The following TMEM132C variants were observed in gnomAD, a reference collection of about 807,000 sequenced individuals.
TMEM132C encodes transmembrane protein 132C, also known as protein phosphatase 1, regulatory subunit 152.
In TMEM132C, 29 loss-of-function variants were observed where a neutral mutation model predicts 61.4. The ratio of observed to expected loss-of-function variants is 0.47; its 90% CI spans 0.35 to 0.64. The LOEUF (loss-of-function observed/expected upper bound fraction) is 0.64, where lower values mean the gene tolerates loss of function less well. Ranked by LOEUF, TMEM132C falls within the 30% of genes least tolerant of loss-of-function variation. TMEM132C has a pLI of 0.00. For missense variants in TMEM132C, 1,408 were observed against 1,476.9 expected, an observed-to-expected ratio of 0.95 and a Z score of 0.76; for synonymous variants, 656 against 633.1, an observed-to-expected ratio of 1.04 and a Z score of -0.54.
At chr12:128,479,508 C>T (rs1871256891) in intron 2 of TMEM132C, among the ~76,000 whole-genome samples, 1 of 152,128 alleles carries the variant, frequency 6.6e-6, no homozygotes, top group Non-Finnish European at 1.5e-5. Flanking sequence ...GTGACAAGTG[C>T]AAATCATACA....
chr12:128,675,170 AC>A (rs1954571363), intron 5 of TMEM132C, among the ~76,000 whole-genome samples: 1 of 151,954 alleles, frequency 6.6e-6, no homozygotes, highest in African/African-American at 2.4e-5. Flanking sequence ...ACCAACTACC[AC>A]ATTTAAGGTT....
At chr12:128,551,532 G>A (rs993499673) in intron 3 of TMEM132C, among the ~76,000 whole-genome samples, 5 of 152,136 alleles carry the variant, frequency 3.3e-5, no homozygotes, top group African/African-American at 9.7e-5. Flanking sequence ...AGTGCACGTC[G>A]TATTTACAGG....
chr12:128,480,686 T>G (rs188379879), intron 2 of TMEM132C, among the ~76,000 whole-genome samples: 1 of 152,240 alleles, frequency 6.6e-6, no homozygotes, highest in East Asian at 1.9e-4. Flanking sequence ...TACTAGCATT[T>G]AGGGTACAGA....
At chr12:128,448,184 C>T (rs1270042583) in intron 2 of TMEM132C, among the ~76,000 whole-genome samples, 1 of 152,156 alleles carries the variant, frequency 6.6e-6, no homozygotes, top group Non-Finnish European at 1.5e-5. Context: ...TTCAAAATCA[C>T]ATAACTAGTA....
At chr12:128,537,732 T>C (rs1873584878) in intron 2 of TMEM132C, among the ~76,000 whole-genome samples, 1 of 152,176 alleles carries the variant, frequency 6.6e-6, no homozygotes, top group Non-Finnish European at 1.5e-5. Context: ...GCTACTCAAA[T>C]CTATACATAG....
intron 2 of TMEM132C, among the ~76,000 whole-genome samples, chr12:128,430,573 C>T (rs989448224): frequency 1.3e-5 from 2 of 152,206 alleles, no homozygotes; most frequent in Admixed American, 6.5e-5. Context: ...CTGCATTTCA[C>T]AGATAATGTG....
At chr12:128,649,328 G>A (rs1325135938) in intron 4 of TMEM132C, among the ~76,000 whole-genome samples, 1 of 152,214 alleles carries the variant, frequency 6.6e-6, no homozygotes, top group East Asian at 1.9e-4. Context: ...CACCAGGGAG[G>A]GAGGAAGCAG....
intron 2 of TMEM132C, among the ~76,000 whole-genome samples, chr12:128,448,435 G>A (rs1041514726): frequency 6.6e-6 from 1 of 152,146 alleles, no homozygotes; most frequent in Non-Finnish European, 1.5e-5. Context: ...TATAGGGGTC[G>A]ACTGGCTATC....
intron 4 of TMEM132C, among the ~76,000 whole-genome samples, chr12:128,650,874 G>T (rs936704072): frequency 2.0e-5 from 3 of 152,130 alleles, no homozygotes; most frequent in African/African-American, 7.2e-5. Flanking sequence ...ATGAGGTAAG[G>T]CTCAAATTCC....
At chr12:128,532,868 AAGC>A (rs2136137675) in intron 2 of TMEM132C, among the ~76,000 whole-genome samples, 1 of 152,158 alleles carries the variant, frequency 6.6e-6, no homozygotes, top group South Asian at 2.1e-4. Context: ...GAGACGATGA[AAGC>A]AGCAGCAATA....
chr12:128,452,082 AT>A (rs1028746194), intron 2 of TMEM132C, among the ~76,000 whole-genome samples: 64 of 152,226 alleles, frequency 4.2e-4, no homozygotes, highest in African/African-American at 1.5e-3. Flanking sequence ...AAATAAAAAA[AT>A]GCAATTATGA....
At chr12:128,574,496 C>T (rs1392493487) in intron 3 of TMEM132C, among the ~76,000 whole-genome samples, 3 of 152,212 alleles carry the variant, frequency 2.0e-5, no homozygotes, top group South Asian at 2.1e-4. Flanking sequence ...CTTGTTCCGT[C>T]GTGGCGGCAC....
At chr12:128,662,988 G>C (rs900437432) in intron 4 of TMEM132C, among the ~76,000 whole-genome samples, 2 of 152,194 alleles carry the variant, frequency 1.3e-5, no homozygotes, top group Non-Finnish European at 2.9e-5. Flanking sequence ...TCATTGGCTT[G>C]TCTGAGGCCA....
intron 2 of TMEM132C, among the ~76,000 whole-genome samples, chr12:128,511,414 A>G (rs1044832943): frequency 1.3e-5 from 2 of 152,228 alleles, no homozygotes; most frequent in African/African-American, 4.8e-5. Flanking sequence ...GTTAGGTTTG[A>G]CAGTTCTCCA....
chr12:128,336,071 T>C (rs1872785521), intron 1 of TMEM132C, among the ~76,000 whole-genome samples: 2 of 152,246 alleles, frequency 1.3e-5, no homozygotes, highest in South Asian at 4.1e-4. Flanking sequence ...CATTATCATT[T>C]TGTGTTTTAA....
intron 1 of TMEM132C, among the ~76,000 whole-genome samples, chr12:128,412,731 A>G (rs1218813029): frequency 6.6e-6 from 1 of 152,108 alleles, no homozygotes; most frequent in Non-Finnish European, 1.5e-5. Flanking sequence ...TCTTTTTTAA[A>G]TTACCCAGTC....
At chr12:128,333,414 G>C (rs1198424680) in intron 1 of TMEM132C, among the ~76,000 whole-genome samples, 1 of 151,872 alleles carries the variant, frequency 6.6e-6, no homozygotes, top group Non-Finnish European at 1.5e-5. Flanking sequence ...ATGCCTGTAT[G>C]GATGAGAGTG....
intron 2 of TMEM132C, among the ~76,000 whole-genome samples, chr12:128,498,098 A>T (rs1411193577): frequency 6.6e-6 from 1 of 152,092 alleles, no homozygotes; most frequent in East Asian, 1.9e-4. Flanking sequence ...TTCTTTGAGG[A>T]TCTAAATATT....
chr12:128,509,042 T>C (rs932406917), intron 2 of TMEM132C, among the ~76,000 whole-genome samples: 3 of 152,104 alleles, frequency 2.0e-5, no homozygotes, highest in African/African-American at 7.2e-5. Flanking sequence ...GAAGATGTTA[T>C]TGGGGTGAAC....
Sources: allele counts gnomAD v4.1 joint callset (sites outside exome capture counted in the v4.1 genomes callset), GRCh38; gene constraint gnomAD v4.1.1; transcripts MANE v1.5; gene names NCBI Gene and HGNC (gene_info 2026-07-23, HGNC 2026-07-21).